POLR2F: variants seen among roughly 807,000 people sequenced by gnomAD.
The protein encoded by POLR2F is DNA-directed RNA polymerases I, II, and III subunit RPABC2.
In POLR2F, 12 loss-of-function variants were observed where a neutral mutation model predicts 22.7. The observed-to-expected ratio is 0.53, with a 90% CI of 0.34 to 0.86. The LOEUF is 0.86. POLR2F is among the 40% of genes least tolerant of loss of function. The pLI is 0.02. For missense variants in POLR2F, 126 were observed against 171.5 expected, an observed-to-expected ratio of 0.73 and a Z score of 1.48; for synonymous variants, 57 against 66.0, an observed-to-expected ratio of 0.86 and a Z score of 0.66.
At chr22:38,030,283 C>T (rs1255313124), downstream of POLR2F, among the ~76,000 whole-genome samples, 1 of 152,198 alleles carries the variant, frequency 6.6e-6, no homozygotes, top group Non-Finnish European at 1.5e-5. Context: ...GAGTCGGGCC[C>T]TCTGGACAGT....
chr22:37,978,905 T>C lies in POLR2F; in HGVS notation c.293+11735T>C, dbSNP rs1043545897. On this transcript the variant is annotated intron_variant, in intron 4 of 4. Coordinates refer to the POLR2F transcript ENST00000405557. This position sits in a 1 kb window ranked among gnomAD's most constrained non-coding sequence, Gnocchi z 5.0. ...GATTCTTGTGCCTCAGCCTCCCAAG[T>C]AGCTGGGATTACAAGCATGCGCCAC... Among the ~76,000 whole-genome samples, 2 of 152,082 alleles carry C rather than the reference T, an allele frequency of 1.3e-5. No individual in the cohort carries two copies. The highest frequency in any genetic ancestry group is 3.8e-4 in the East Asian group (2 of 5,196).
At chr22:37,973,917 C>T, downstream of POLR2F, 1 of 1,610,156 alleles carries the variant, frequency 6.2e-7, no homozygotes, top group Non-Finnish European at 8.5e-7. Context: ...TGTCCACTGG[C>T]CACGGCCAGG....
At chr22:37,969,620 G>T (rs1931985347), downstream of POLR2F, among the ~76,000 whole-genome samples, 1 of 152,176 alleles carries the variant, frequency 6.6e-6, no homozygotes, top group South Asian at 2.1e-4. Context: ...CCCACGGCGA[G>T]CAGGAGTAGT....
intron 2 of POLR2F, among the ~76,000 whole-genome samples, chr22:37,957,597 C>A (rs1931450818): frequency 6.6e-6 from 1 of 152,144 alleles, no homozygotes; most frequent in Non-Finnish European, 1.5e-5. Context: ...TCTCTCTCTG[C>A]ATGGCACTTT....
At chr22:37,996,309 AG>A (rs1386091031) in intron 1 of POLR2F, among the ~76,000 whole-genome samples, 2 of 152,142 alleles carry the variant, frequency 1.3e-5, no homozygotes, top group African/African-American at 4.8e-5. Context: ...GCAGGGAAAG[AG>A]GGGGGAACAG....
intron 1 of POLR2F, among the ~76,000 whole-genome samples, chr22:38,000,784 C>A (rs925219213): frequency 3.3e-5 from 5 of 152,212 alleles, no homozygotes; most frequent in African/African-American, 1.2e-4. Context: ...ATGGAGACCA[C>A]AGGCACTTCA....
intron 1 of POLR2F, among the ~76,000 whole-genome samples, chr22:37,955,653 A>G (rs1330416654): frequency 2.0e-5 from 3 of 152,098 alleles, no homozygotes; most frequent in Admixed American, 6.6e-5. Flanking sequence ...GTAAAATGGA[A>G]CAAAAGTCGG....
chr22:37,961,824 A>ATGAGGGAAGCG (rs1158610005), intron 3 of POLR2F, among the ~76,000 whole-genome samples: 5 of 147,716 alleles, frequency 3.4e-5, no homozygotes, highest in African/African-American at 5.4e-5. Flanking sequence ...GTGGGGAAGC[A>ATGAGGGAAGCG]TGAGACTGAG....
downstream of POLR2F, chr22:37,973,348 A>C (rs370570177): frequency 1.3e-5 from 8 of 615,528 alleles, no homozygotes; most frequent in East Asian, 8.3e-5. Context: ...CAGGGCAGTG[A>C]GCCAGACAGA....
chr22:38,022,895 C>T (rs1160197565), intron 1 of POLR2F, among the ~76,000 whole-genome samples: 1 of 152,130 alleles, frequency 6.6e-6, no homozygotes, highest in Admixed American at 6.5e-5. Flanking sequence ...CCTGTAATCC[C>T]AGCTACTCGG....
chr22:37,998,479 C>T (rs1435369888), intron 1 of POLR2F, among the ~76,000 whole-genome samples: 1 of 152,198 alleles, frequency 6.6e-6, no homozygotes, highest in Non-Finnish European at 1.5e-5. Context: ...CTGGTGAGAA[C>T]CTCAGGTGAG....
chr22:37,986,767 G>C lies in POLR2F; in HGVS notation c.120+455G>C, dbSNP rs536553087. ...TGTGTGTGGTTGGGGCCCCTGCTGCGAACACATCCCTGCCCACCATGCTGG... is the reference window on the plus strand; with the variant it reads ...TGTGTGTGGTTGGGGCCCCTGCTGCCAACACATCCCTGCCCACCATGCTGG... On this transcript the variant is annotated intron_variant, in intron 1 of 2. Coordinates refer to the POLR2F transcript ENST00000333418. The surrounding 1 kb of genome is among the most constrained non-coding windows in gnomAD (Gnocchi z 4.7). 1 of 468,834 alleles carries C rather than the reference G, an allele frequency of 2.1e-6. No individual in the cohort carries two copies. Among genetic ancestry groups the C allele is most frequent in the Non-Finnish European group, 4.2e-6 (1 of 235,646 alleles). 29.0% of individuals were successfully genotyped at this position (468,834 alleles called of 1,614,324 possible).
Position 37,974,453 on chromosome 22 carries a change from A to G in POLR2F, c.293+7283A>G, listed in dbSNP as rs1932166024. On this transcript the variant is annotated intron_variant, in intron 4 of 4. Transcript: ENST00000405557. The surrounding 1 kb of genome is among the most constrained non-coding windows in gnomAD (Gnocchi z 5.4). ...CTGCAACCTCTGCCTCCTGGGTTCA[A>G]ATGATTCTCCTGCCTCAGCCTCCTG... Among the ~76,000 whole-genome samples the G allele has an allele frequency of 1.3e-5, 2 of 151,666 alleles. No individual in the cohort carries two copies. The highest frequency in any genetic ancestry group is 4.9e-5 in the African/African-American group (2 of 41,212).
In POLR2F at chr22:37,986,961, G is replaced by A. The variant is rs1468884214; in HGVS notation, c.120+649G>A. On this transcript the variant is annotated intron_variant, in intron 1 of 2. Transcript: ENST00000333418. The surrounding 1 kb of genome is among the most constrained non-coding windows in gnomAD (Gnocchi z 4.7). ...CCCCAGCAGGACAACAGGAGGGCCA[G>A]TGTCACCTTCTCCTCCTTTCCCTGC... is the stretch of plus-strand genomic sequence containing the variant. 1 of 453,340 alleles carries A rather than the reference G, an allele frequency of 2.2e-6. No individual in the cohort carries two copies. Among genetic ancestry groups the A allele is most frequent in the Non-Finnish European group, 4.5e-6 (1 of 224,510 alleles). The allele number at this position is 453,340 out of a possible 1,614,324, so 28.1% of individuals were successfully genotyped here. A position where few individuals can be genotyped will look rare whatever the true frequency, so the allele number is the denominator to read the frequency against.
intron 1 of POLR2F, among the ~76,000 whole-genome samples, chr22:38,022,354 C>G (rs2145821660): frequency 6.6e-6 from 1 of 151,332 alleles, no homozygotes; most frequent in Non-Finnish European, 1.5e-5. Flanking sequence ...GAGTTCGAGA[C>G]CAGCCTGACC....
chr22:37,985,483 C>T (rs781513664), upstream of POLR2F, among the ~76,000 whole-genome samples: 1 of 152,292 alleles, frequency 6.6e-6, no homozygotes, highest in South Asian at 2.1e-4. Flanking sequence ...CTTTTTCTCT[C>T]TCTTTCCTTG....
At chr22:38,029,480 A>G (rs944035688), downstream of POLR2F, among the ~76,000 whole-genome samples, 2 of 152,120 alleles carry the variant, frequency 1.3e-5, no homozygotes, top group African/African-American at 2.4e-5. Context: ...CATGAGTGCA[A>G]TGATCAGTGT....
intron 1 of POLR2F, among the ~76,000 whole-genome samples, chr22:38,014,033 A>G (rs2084894283): frequency 6.6e-6 from 1 of 151,708 alleles, no homozygotes; most frequent in Non-Finnish European, 1.5e-5. Flanking sequence ...GAGGCTGGAG[A>G]ATGGCTTGAA....
At chr22:38,000,697 T>C (rs1365755998) in intron 1 of POLR2F, among the ~76,000 whole-genome samples, 1 of 152,184 alleles carries the variant, frequency 6.6e-6, no homozygotes, top group Non-Finnish European at 1.5e-5. Context: ...GCTCCCTGCC[T>C]GGCTTTGGAG....
Sources: gnomAD v4.1 joint callset for allele counts (sites outside exome capture counted in the v4.1 genomes callset) on GRCh38, gnomAD v4.1.1 for gene constraint, Gnocchi (gnomAD v3.1) non-coding constraint, MANE v1.5 for transcripts, NCBI Gene and HGNC (gene_info 2026-07-23, HGNC 2026-07-21) for gene names.